HS3ST4: variants seen among roughly 807,000 people sequenced by gnomAD.
HS3ST4 encodes the protein heparan sulfate glucosamine 3-O-sulfotransferase 4.
In HS3ST4, 17 loss-of-function variants were observed where a neutral mutation model predicts 29.2. The ratio of observed to expected loss-of-function variants is 0.58; its 90% CI spans 0.40 to 0.87. HS3ST4 has a LOEUF of 0.87. Among genes scored for constraint, HS3ST4 ranks in the 40% least tolerant of loss-of-function variants. The pLI is 0.00. For missense variants in HS3ST4, 627 were observed against 634.5 expected (o/e 0.99, Z 0.13); for synonymous variants, 314 against 285.7 (o/e 1.10, Z -1.00).
Position 26,101,095 on chromosome 16 carries a change from C to T in HS3ST4, c.735-34517C>T, listed in dbSNP as rs1217822845. Among the ~76,000 whole-genome samples the T allele has an allele frequency of 2.6e-5, 4 of 152,166 alleles. No individual in the cohort carries two copies. The East Asian group carries it at 7.7e-4, about 29-fold the overall frequency. ...AACCGTTTACTCCAGTTGGTGTCTC[C>T]AACCTTCTTGCTCCTCTTCACTTTT... On this transcript the variant is annotated intron_variant, in intron 1 of 1. Coordinates refer to ENST00000331351, the MANE Select transcript of HS3ST4 (RefSeq NM_006040.3).
chr16:25,910,904 G>A (rs908828047), intron 1 of HS3ST4, among the ~76,000 whole-genome samples: 1 of 152,124 alleles, frequency 6.6e-6, no homozygotes, highest in East Asian at 1.9e-4. Flanking sequence ...TTCTATCCCA[G>A]GAGCTTCGTT....
intron 1 of HS3ST4, among the ~76,000 whole-genome samples, chr16:25,927,819 A>G (rs1395391265): frequency 1.3e-5 from 2 of 152,088 alleles, no homozygotes; most frequent in East Asian, 1.9e-4. Flanking sequence ...TTGAGCACCT[A>G]CCATGTTCCA....
chr16:25,937,922 C>T (rs1453301718), intron 1 of HS3ST4, among the ~76,000 whole-genome samples: 1 of 152,120 alleles, frequency 6.6e-6, no homozygotes, highest in Non-Finnish European at 1.5e-5. Flanking sequence ...GTGTTGAGGG[C>T]TCTGTTGGTG....
At position 25,887,228 on chromosome 16, in the gene HS3ST4, C is replaced by T. The variant is rs141933302; in HGVS notation, c.734+194077C>T. On this transcript the variant is annotated intron_variant, in intron 1 of 1. Coordinates refer to ENST00000331351, the MANE Select transcript of HS3ST4 (RefSeq NM_006040.3). ...GAAGTTTCCGTTCTTTAGGCAGAAG[C>T]GGACACTGAGGCAAGGCTATATCAT... Among the ~76,000 whole-genome samples, 35 of 152,118 alleles carry T rather than the reference C, an allele frequency of 2.3e-4. No individual in the cohort carries two copies. In the East Asian group the frequency reaches 5.2e-3, roughly 23 times the overall value.
chr16:25,764,958 C>T (rs947509500), intron 1 of HS3ST4, among the ~76,000 whole-genome samples: 1 of 152,052 alleles, frequency 6.6e-6, no homozygotes, highest in Non-Finnish European at 1.5e-5. Flanking sequence ...ATTTCCTTTA[C>T]CTGGAAAAAA....
chr16:25,885,608 CA>C (rs1967941416), intron 1 of HS3ST4, among the ~76,000 whole-genome samples: 1 of 152,142 alleles, frequency 6.6e-6, no homozygotes, highest in Non-Finnish European at 1.5e-5. Flanking sequence ...CCCCCAACCA[CA>C]AACTCGATTC....
At chr16:25,825,531 G>A in intron 1 of HS3ST4, 1 of 152,358 alleles carries the variant, frequency 6.6e-6, no homozygotes, top group Non-Finnish European at 1.5e-5. Context: ...CTGCTGTGGG[G>A]CACCACTGGG....
intron 1 of HS3ST4, among the ~76,000 whole-genome samples, chr16:25,776,869 TG>T (rs770992236): frequency 2.1e-4 from 32 of 152,364 alleles, no homozygotes; most frequent in Non-Finnish European, 2.5e-4. Flanking sequence ...TCTTGGAGAC[TG>T]AGATGTCATG....
chr16:25,809,171 T>C (rs551497927), intron 1 of HS3ST4, among the ~76,000 whole-genome samples: 7 of 152,140 alleles, frequency 4.6e-5, no homozygotes, highest in Non-Finnish European at 7.4e-5. Context: ...GCCTTGTTTC[T>C]GATATTAGTG....
intron 1 of HS3ST4, among the ~76,000 whole-genome samples, chr16:25,999,512 T>TA (rs1437469682): frequency 6.6e-6 from 1 of 151,698 alleles, no homozygotes; most frequent in Admixed American, 6.6e-5. Flanking sequence ...TTCAGCCACT[T>TA]TTTTTCTATT....
intron 1 of HS3ST4, among the ~76,000 whole-genome samples, chr16:25,990,499 A>G (rs1400691073): frequency 2.0e-5 from 3 of 152,252 alleles, no homozygotes; most frequent in Non-Finnish European, 4.4e-5. Context: ...GCCTTCTAGT[A>G]GGATTATAAT....
chr16:26,054,163 A>G (rs1898378431), intron 1 of HS3ST4, among the ~76,000 whole-genome samples: 1 of 152,038 alleles, frequency 6.6e-6, no homozygotes, highest in Admixed American at 6.6e-5. Flanking sequence ...AATATTTGTG[A>G]AGGGTATCTC....
rs141259184 is a variant in HS3ST4 at position 26,049,926 on chromosome 16, A to C, written c.735-85686A>C. 4.8e-3 allele frequency among the ~76,000 whole-genome samples: 728 copies of C among 152,274 alleles called. 6 individuals carry two copies. Among genetic ancestry groups the C allele is most frequent in the African/African-American group, 0.016 (685 of 41,548 alleles). On this transcript the variant is annotated intron_variant, in intron 1 of 1. Transcript: ENST00000331351. The stretch of plus-strand genomic sequence containing the variant: ...ACAAAGCATGTGGGAAGGAGTGAGG[A>C]GCTTCCGTGCCCTCCCTGGGTGCAC...
chr16:25,832,740 A>C (rs1266502628), intron 1 of HS3ST4, among the ~76,000 whole-genome samples: 1 of 152,244 alleles, frequency 6.6e-6, no homozygotes, highest in African/African-American at 2.4e-5. Flanking sequence ...TCAAACAAAA[A>C]GTACTGATTA....
rs530686548 is a variant in HS3ST4 at position 25,793,478 on chromosome 16, G to A, written c.734+100327G>A. On this transcript the variant is annotated intron_variant, in intron 1 of 1. Coordinates refer to ENST00000331351, the MANE Select transcript of HS3ST4 (RefSeq NM_006040.3). Reference sequence around the variant, plus strand: ...TGTGACATGTTATTAGTTGCAGACAGATTTAGAATGCTTGTATCTTCCAGA... The same window carrying A: ...TGTGACATGTTATTAGTTGCAGACAAATTTAGAATGCTTGTATCTTCCAGA... 2.1e-4 allele frequency among the ~76,000 whole-genome samples: 32 copies of A among 151,924 alleles called. 1 individual carries two copies. The highest frequency in any genetic ancestry group is 3.7e-4 in the Non-Finnish European group (25 of 67,826).
intron 1 of HS3ST4, among the ~76,000 whole-genome samples, chr16:25,832,185 G>C (rs572058543): frequency 6.6e-6 from 1 of 152,246 alleles, no homozygotes; most frequent in Non-Finnish European, 1.5e-5. Flanking sequence ...CTTTTAAGAG[G>C]ATCAGGGTCT....
At chr16:25,852,863 A>T (rs1343620638) in intron 1 of HS3ST4, among the ~76,000 whole-genome samples, 1 of 152,142 alleles carries the variant, frequency 6.6e-6, no homozygotes, top group African/African-American at 2.4e-5. Flanking sequence ...TTTTTAATTC[A>T]TCTCCAGTTT....
chr16:26,092,101 C>T (rs771192842), intron 1 of HS3ST4, among the ~76,000 whole-genome samples: 1 of 152,090 alleles, frequency 6.6e-6, no homozygotes, highest in Non-Finnish European at 1.5e-5. Flanking sequence ...TGGATCCTCT[C>T]AAAGGGGACA....
At chr16:25,806,185 C>T (rs1027030251) in intron 1 of HS3ST4, among the ~76,000 whole-genome samples, 12 of 152,062 alleles carry the variant, frequency 7.9e-5, no homozygotes, top group African/African-American at 2.9e-4. Flanking sequence ...AAATACTTAC[C>T]TCTGCAGTGC....
Sources: gnomAD v4.1 joint callset for allele counts (sites outside exome capture counted in the v4.1 genomes callset) on GRCh38, gnomAD v4.1.1 for gene constraint, MANE v1.5 for transcripts, NCBI Gene and HGNC (gene_info 2026-07-23, HGNC 2026-07-21) for gene names.